KCNIP4: variants seen among roughly 807,000 people sequenced by gnomAD.
KCNIP4 encodes Kv channel-interacting protein 4.
Under a neutral mutation model 34.0 loss-of-function variants are expected in KCNIP4, and 12 were observed. The observed-to-expected ratio is 0.35, with a 90% CI of 0.23 to 0.57. KCNIP4 has a LOEUF of 0.57. Ranked by LOEUF, KCNIP4 falls within the 20% of genes least tolerant of loss-of-function variation. KCNIP4 has a pLI of 0.83. For synonymous variants in KCNIP4, 124 were observed against 102.2 expected, an observed-to-expected ratio of 1.21 and a Z score of -1.29; for missense variants, 238 against 311.7, an observed-to-expected ratio of 0.76 and a Z score of 1.78.
intron 1 of KCNIP4, among the ~76,000 whole-genome samples, chr4:21,233,875 T>A (rs1158729126): frequency 7.4e-6 from 1 of 135,114 alleles, no homozygotes; most frequent in Admixed American, 7.8e-5. Flanking sequence ...CTTTGAGATA[T>A]CCATAACTAA....
At chr4:21,210,512 C>T (rs1371593992) in intron 1 of KCNIP4, among the ~76,000 whole-genome samples, 2 of 152,110 alleles carry the variant, frequency 1.3e-5, no homozygotes, top group African/African-American at 4.8e-5. Flanking sequence ...TTTCCATTGT[C>T]CTTTTAAAGT....
chr4:21,506,911 C>T (rs777267009), intron 1 of KCNIP4, among the ~76,000 whole-genome samples: 4 of 151,880 alleles, frequency 2.6e-5, no homozygotes, highest in Non-Finnish European at 5.9e-5. Flanking sequence ...TCTGTCTCAG[C>T]CTCCCAAGTA....
intron 1 of KCNIP4, among the ~76,000 whole-genome samples, chr4:21,367,472 T>TCTGA (rs1578135561): frequency 1.3e-5 from 2 of 148,496 alleles, no homozygotes; most frequent in African/African-American, 5.3e-5. Flanking sequence ...AGACTCTACC[T>TCTGA]AACTGGACAT....
At chr4:21,669,015 T>G (rs1174798979) in intron 1 of KCNIP4, among the ~76,000 whole-genome samples, 3 of 152,190 alleles carry the variant, frequency 2.0e-5, no homozygotes, top group Non-Finnish European at 4.4e-5. Context: ...CTTCTCCTCC[T>G]CCTCAGCCTA....
At chr4:21,635,849 T>C (rs1409147308) in intron 1 of KCNIP4, among the ~76,000 whole-genome samples, 5 of 151,362 alleles carry the variant, frequency 3.3e-5, no homozygotes, top group East Asian at 3.9e-4. Flanking sequence ...CGTATGTTTA[T>C]TGCGGCATTA....
At chr4:21,240,495 T>C (rs1260668842) in intron 1 of KCNIP4, among the ~76,000 whole-genome samples, 1 of 152,180 alleles carries the variant, frequency 6.6e-6, no homozygotes, top group Non-Finnish European at 1.5e-5. Flanking sequence ...CAAAAATTCC[T>C]TTTTGAAATC....
At chr4:21,803,400 C>T (rs1223062609) in intron 1 of KCNIP4, among the ~76,000 whole-genome samples, 1 of 152,174 alleles carries the variant, frequency 6.6e-6, no homozygotes, top group East Asian at 1.9e-4. Context: ...CAACGTGGAT[C>T]CTCCCCAATA....
chr4:20,967,493 C>A (rs1029972242), intron 1 of KCNIP4, among the ~76,000 whole-genome samples: 1 of 152,212 alleles, frequency 6.6e-6, no homozygotes, highest in African/African-American at 2.4e-5. Context: ...GCAAAAACAG[C>A]AAAGCTGGAG....
intron 1 of KCNIP4, among the ~76,000 whole-genome samples, chr4:21,491,226 T>G (rs1346384692): frequency 6.6e-6 from 1 of 152,080 alleles, no homozygotes; most frequent in Non-Finnish European, 1.5e-5. Context: ...AAATAAATGA[T>G]GACCAGTGGA....
intron 1 of KCNIP4, among the ~76,000 whole-genome samples, chr4:21,368,027 GTGAAA>G (rs1316020644): frequency 6.8e-6 from 1 of 147,216 alleles, no homozygotes; most frequent in Non-Finnish European, 1.5e-5. Context: ...AGACAAAATG[GTGAAA>G]CAAGGTGGTC....
At chr4:21,552,013 T>G (rs1277331983) in intron 1 of KCNIP4, among the ~76,000 whole-genome samples, 1 of 146,848 alleles carries the variant, frequency 6.8e-6, no homozygotes, top group Non-Finnish European at 1.5e-5. Flanking sequence ...TTGTGAAGAT[T>G]GAAAAAACAA....
At position 20,962,988 on chromosome 4, in the gene KCNIP4, A is replaced by T. The variant is rs141368188; in HGVS notation, c.62-80279T>A. The stretch of plus-strand genomic sequence containing the variant: ...TTTGTCTGTAAAATGGGGATAAAAA[A>T]TTTTTTCTCTTAAGTTGCACAAAAT... On this transcript the variant is annotated intron_variant, in intron 1 of 8. Coordinates refer to ENST00000382152, the MANE Select transcript of KCNIP4 (RefSeq NM_025221.6). Among the ~76,000 whole-genome samples the T allele has an allele frequency of 3.3e-3, 499 of 152,214 alleles. 2 individuals carry two copies. The highest frequency in any genetic ancestry group is 0.011 in the African/African-American group (468 of 41,536).
intron 1 of KCNIP4, among the ~76,000 whole-genome samples, chr4:21,247,220 C>T (rs932187732): frequency 2.0e-5 from 3 of 152,124 alleles, no homozygotes; most frequent in African/African-American, 7.2e-5. Context: ...TTATAGGTCA[C>T]ACAGTTGCTG....
chr4:21,416,799 A>G (rs1224747584), intron 1 of KCNIP4, among the ~76,000 whole-genome samples: 1 of 152,168 alleles, frequency 6.6e-6, no homozygotes, highest in Non-Finnish European at 1.5e-5. Flanking sequence ...TCATGGGACT[A>G]TATGTCAGTC....
chr4:21,295,710 C>G (rs748309845), intron 1 of KCNIP4, among the ~76,000 whole-genome samples: 11 of 152,070 alleles, frequency 7.2e-5, no homozygotes, highest in Non-Finnish European at 1.5e-4. Flanking sequence ...CTCTGACAAC[C>G]CTTTGATAAA....
At chr4:20,812,822 C>A (rs990396101) in intron 3 of KCNIP4, among the ~76,000 whole-genome samples, 1 of 151,880 alleles carries the variant, frequency 6.6e-6, no homozygotes, top group Non-Finnish European at 1.5e-5. Context: ...AACTTAAGGA[C>A]CTAAGTTAAA....
intron 1 of KCNIP4, among the ~76,000 whole-genome samples, chr4:21,438,156 C>A (rs1319954648): frequency 6.6e-6 from 1 of 152,106 alleles, no homozygotes. Flanking sequence ...TCAAGACAAC[C>A]TGCTTATAAC....
intron 1 of KCNIP4, among the ~76,000 whole-genome samples, chr4:21,326,745 T>G (rs1715109985): frequency 6.6e-6 from 1 of 151,932 alleles, no homozygotes; most frequent in Admixed American, 6.6e-5. Flanking sequence ...GTCTTCCTTT[T>G]AGTGAAGGTG....
intron 2 of KCNIP4, among the ~76,000 whole-genome samples, chr4:20,880,491 CT>C (rs1724560422): frequency 6.6e-6 from 1 of 151,922 alleles, no homozygotes; most frequent in African/African-American, 2.4e-5. Flanking sequence ...TTTTTTTCCT[CT>C]CAAAACATCC....
Sources: gnomAD v4.1 joint callset for allele counts (sites outside exome capture counted in the v4.1 genomes callset) on GRCh38, gnomAD v4.1.1 for gene constraint, MANE v1.5 for transcripts, NCBI Gene and HGNC (gene_info 2026-07-23, HGNC 2026-07-21) for gene names.